Variants in STXBP5L observed in about 807,000 individuals in gnomAD.
The protein encoded by STXBP5L is syntaxin-binding protein 5-like.
In STXBP5L, 65 loss-of-function variants were observed where a neutral mutation model predicts 144.5. That is an observed-to-expected ratio of 0.45 (90% confidence interval 0.37 to 0.55). The LOEUF (loss-of-function observed/expected upper bound fraction) is 0.55. Ranked by LOEUF, STXBP5L falls within the 20% of genes least tolerant of loss-of-function variation. STXBP5L has a pLI of 0.00. For synonymous variants in STXBP5L, 505 were observed against 469.6 expected, an observed-to-expected ratio of 1.08 and a Z score of -0.97; for missense variants, 1,298 against 1,405.5, an observed-to-expected ratio of 0.92 and a Z score of 1.22.
intron 5 of STXBP5L, among the ~76,000 whole-genome samples, chr3:121,102,249 G>A (rs1269211947): frequency 6.6e-6 from 1 of 151,962 alleles, no homozygotes; most frequent in Non-Finnish European, 1.5e-5. Context: ...AGCCCAAATA[G>A]CCAAATCAGT....
At chr3:121,389,247 C>A (rs1403766258) in intron 22 of STXBP5L, among the ~76,000 whole-genome samples, 1 of 152,188 alleles carries the variant, frequency 6.6e-6, no homozygotes, top group African/African-American at 2.4e-5. Flanking sequence ...TCCCTTTTAT[C>A]ATTTTTATTG....
At chr3:120,963,176 C>T (rs1939083023) in intron 3 of STXBP5L, among the ~76,000 whole-genome samples, 1 of 152,170 alleles carries the variant, frequency 6.6e-6, no homozygotes, top group Non-Finnish European at 1.5e-5. Context: ...AGATTTTGGG[C>T]TGAGGCAATG....
At chr3:120,966,848 C>T (rs545536856) in intron 3 of STXBP5L, among the ~76,000 whole-genome samples, 4 of 152,250 alleles carry the variant, frequency 2.6e-5, no homozygotes, top group South Asian at 4.1e-4. Flanking sequence ...CAGACAGGGG[C>T]GTTTAAGTCT....
At chr3:120,916,852 T>C (rs1223203337) in intron 2 of STXBP5L, among the ~76,000 whole-genome samples, 1 of 152,192 alleles carries the variant, frequency 6.6e-6, no homozygotes, top group African/African-American at 2.4e-5. Context: ...GAAAACTAGC[T>C]GGATTGGTTA....
intron 24 of STXBP5L, among the ~76,000 whole-genome samples, chr3:121,414,478 C>T (rs2047188492): frequency 6.6e-6 from 1 of 152,148 alleles, no homozygotes; most frequent in Non-Finnish European, 1.5e-5. Context: ...AGACAAATGC[C>T]CAATTCTAAC....
chr3:121,281,250 C>T (rs1160965596), intron 19 of STXBP5L, among the ~76,000 whole-genome samples: 1 of 151,936 alleles, frequency 6.6e-6, no homozygotes, highest in African/African-American at 2.4e-5. Context: ...CAAAATTTCT[C>T]TTTCAGAAAC....
intron 3 of STXBP5L, among the ~76,000 whole-genome samples, chr3:120,984,657 C>CTTTTTTTTT (rs1942127543): frequency 1.3e-5 from 1 of 77,214 alleles, no homozygotes; most frequent in Admixed American, 2.0e-4. Context: ...TTTTTTTTGC[C>CTTTTTTTTT]TAATTGCTCT....
At chr3:121,232,591 G>T (rs1241721530) in intron 11 of STXBP5L, among the ~76,000 whole-genome samples, 3 of 152,128 alleles carry the variant, frequency 2.0e-5, no homozygotes, top group African/African-American at 7.2e-5. Flanking sequence ...GAGCTGGTGA[G>T]CCACAGTCAA....
At chr3:121,147,916 G>A (rs2045776643) in intron 7 of STXBP5L, among the ~76,000 whole-genome samples, 1 of 151,988 alleles carries the variant, frequency 6.6e-6, no homozygotes, top group Non-Finnish European at 1.5e-5. Flanking sequence ...GCTCTTCCTG[G>A]TTCTTGAGCC....
At chr3:121,303,965 A>G (rs1197231618) in intron 19 of STXBP5L, among the ~76,000 whole-genome samples, 1 of 152,046 alleles carries the variant, frequency 6.6e-6, no homozygotes, top group Non-Finnish European at 1.5e-5. Flanking sequence ...CAAACATGGC[A>G]CATGTATACA....
intron 22 of STXBP5L, among the ~76,000 whole-genome samples, chr3:121,392,958 T>C (rs561871082): frequency 1.8e-4 from 28 of 151,928 alleles, no homozygotes; most frequent in African/African-American, 6.5e-4. Flanking sequence ...GGTAGTGGGA[T>C]CACTTGATCA....
At chr3:121,409,086 T>C (rs576734328) in intron 23 of STXBP5L, among the ~76,000 whole-genome samples, 8 of 151,834 alleles carry the variant, frequency 5.3e-5, no homozygotes, top group Non-Finnish European at 5.9e-5. Flanking sequence ...TAGAAAAATA[T>C]ATGTGGAAGG....
intron 11 of STXBP5L, among the ~76,000 whole-genome samples, chr3:121,232,413 A>G (rs2049338446): frequency 6.6e-6 from 1 of 151,984 alleles, no homozygotes; most frequent in Non-Finnish European, 1.5e-5. Flanking sequence ...AAAAAAGAGG[A>G]AAAAAAATGT....
chr3:121,099,499 GC>G (rs2043304752), intron 5 of STXBP5L: 1 of 152,364 alleles, frequency 6.6e-6, no homozygotes, highest in African/African-American at 2.4e-5. Context: ...GAACACTTAT[GC>G]CCAAGAATGA....
intron 9 of STXBP5L, among the ~76,000 whole-genome samples, chr3:121,204,210 G>T (rs1339993250): frequency 6.6e-6 from 1 of 152,122 alleles, no homozygotes; most frequent in Non-Finnish European, 1.5e-5. Context: ...CTGCACTCCA[G>T]CCTGGGTGAC....
At position 120,958,657 on chromosome 3, in the gene STXBP5L, A is replaced by T. The variant is rs1196998115; in HGVS notation, c.287+3620A>T. Among the ~76,000 whole-genome samples the T allele has an allele frequency of 3.9e-5, 6 of 152,336 alleles. No individual in the cohort carries two copies. In the East Asian group the frequency reaches 1.2e-3, roughly 29 times the overall value. ...AAACAGAACCAAAGACAAAAACCAC[A>T]TGATTATCTCAATAGATGCAGAAAA... On this transcript the variant is annotated intron_variant, in intron 3 of 26. Transcript: ENST00000471454.
intron 3 of STXBP5L, among the ~76,000 whole-genome samples, chr3:120,995,937 G>A (rs1943314331): frequency 6.6e-6 from 1 of 151,964 alleles, no homozygotes; most frequent in African/African-American, 2.4e-5. Context: ...TTCAAGGGTA[G>A]GTTTTACAGA....
intron 3 of STXBP5L, among the ~76,000 whole-genome samples, chr3:121,001,682 G>A (rs563673576): frequency 6.6e-5 from 10 of 152,284 alleles, no homozygotes; most frequent in Admixed American, 2.0e-4. Flanking sequence ...CAGGAGCTTC[G>A]TGGGGCCAGG....
intron 4 of STXBP5L, among the ~76,000 whole-genome samples, chr3:121,042,316 G>T (rs145036736): frequency 4.2e-4 from 64 of 152,214 alleles, no homozygotes; most frequent in African/African-American, 1.4e-3. Context: ...TAAAATTATG[G>T]TGATGAGGAA....
Sources: gnomAD v4.1 joint callset for allele counts (sites outside exome capture counted in the v4.1 genomes callset) on GRCh38, gnomAD v4.1.1 for gene constraint, MANE v1.5 for transcripts, NCBI Gene and HGNC (gene_info 2026-07-23, HGNC 2026-07-21) for gene names.